TPD52: variants seen among roughly 807,000 people sequenced by gnomAD.
The protein encoded by TPD52 is prostate and colon associated protein.
Under a neutral mutation model 31.3 loss-of-function variants are expected in TPD52, and 17 were observed. The observed-to-expected ratio is 0.54, with a 90% CI of 0.37 to 0.82. The LOEUF is 0.82. Ranked by LOEUF, TPD52 falls within the 40% of genes least tolerant of loss-of-function variation. The pLI, the probability that TPD52 is intolerant of heterozygous loss-of-function variation, is 0.00. For missense variants in TPD52, 212 were observed against 240.1 expected, an observed-to-expected ratio of 0.88 and a Z score of 0.77; for synonymous variants, 83 against 89.6, an observed-to-expected ratio of 0.93 and a Z score of 0.42.
intron 1 of TPD52, among the ~76,000 whole-genome samples, chr8:80,104,820 AAGGCCAAGGG>A (rs1806990744): frequency 6.6e-6 from 1 of 151,974 alleles, no homozygotes; most frequent in Admixed American, 6.6e-5. Context: ...AGCATTTTGG[AAGGCCAAGGG>A]AGGCATATCA....
intron 1 of TPD52, among the ~76,000 whole-genome samples, chr8:80,121,435 T>C (rs1307666313): frequency 6.6e-6 from 1 of 152,210 alleles, no homozygotes; most frequent in African/African-American, 2.4e-5. Context: ...TTTCACTGAA[T>C]GTTTTTATAA....
chr8:80,145,368 T>C (rs187657785), intron 1 of TPD52, among the ~76,000 whole-genome samples: 1 of 152,310 alleles, frequency 6.6e-6, no homozygotes, highest in Admixed American at 6.5e-5. Flanking sequence ...TGAGCGGGCA[T>C]GGCAGTTGCA....
intron 1 of TPD52, among the ~76,000 whole-genome samples, chr8:80,103,356 A>T (rs972290432): frequency 6.6e-6 from 1 of 152,202 alleles, no homozygotes. Context: ...CACTCTAACC[A>T]ATCAAAATTG....
At chr8:80,085,503 G>A (rs1217152966) in intron 1 of TPD52, among the ~76,000 whole-genome samples, 3 of 152,186 alleles carry the variant, frequency 2.0e-5, no homozygotes, top group Non-Finnish European at 4.4e-5. Flanking sequence ...CTGTCCACCA[G>A]GAGAGGCAGG....
At chr8:80,151,041 G>A (rs555406266) in intron 1 of TPD52, among the ~76,000 whole-genome samples, 27 of 152,284 alleles carry the variant, frequency 1.8e-4, no homozygotes, top group Middle Eastern at 3.4e-3. Context: ...CCCATGTGTC[G>A]TGGGAGGGAC....
intron 1 of TPD52, among the ~76,000 whole-genome samples, chr8:80,069,675 A>AG (rs200062697): frequency 3.3e-5 from 4 of 122,538 alleles, no homozygotes; most frequent in Admixed American, 8.4e-5. Flanking sequence ...ATGATAAAGC[A>AG]GGTTTTTTTT....
At chr8:80,046,048 C>G (rs149724384) in intron 5 of TPD52, among the ~76,000 whole-genome samples, 55 of 152,138 alleles carry the variant, frequency 3.6e-4, no homozygotes, top group Admixed American at 3.3e-3. Flanking sequence ...GTCACTGTCC[C>G]TAAGAACCCA....
chr8:80,153,485 C>G (rs1489530047), intron 1 of TPD52, among the ~76,000 whole-genome samples: 1 of 152,198 alleles, frequency 6.6e-6, no homozygotes, highest in Admixed American at 6.5e-5. Context: ...GTCCCAGGCA[C>G]TTTTAAAATC....
intron 1 of TPD52, among the ~76,000 whole-genome samples, chr8:80,104,205 C>T (rs549580092): frequency 2.0e-5 from 3 of 152,246 alleles, no homozygotes; most frequent in East Asian, 3.9e-4. Flanking sequence ...CTCATCTAGC[C>T]GTCAAGCTAG....
chr8:80,131,774 C>A (rs1431897451), intron 1 of TPD52, among the ~76,000 whole-genome samples: 2 of 152,150 alleles, frequency 1.3e-5, no homozygotes, highest in African/African-American at 4.8e-5. Flanking sequence ...AGGTGCTCCA[C>A]GTGGCAGCCA....
chr8:80,071,865 T>C (rs1343480208), intron 1 of TPD52, among the ~76,000 whole-genome samples: 1 of 152,168 alleles, frequency 6.6e-6, no homozygotes, highest in African/African-American at 2.4e-5. Context: ...CTTTGATGGC[T>C]TCCCAGCTTC....
At chr8:80,140,213 G>A (rs1439990115) in intron 1 of TPD52, among the ~76,000 whole-genome samples, 1 of 152,182 alleles carries the variant, frequency 6.6e-6, no homozygotes, top group African/African-American at 2.4e-5. Context: ...CCCCACAAGT[G>A]AGTAGTGGAG....
At chr8:80,149,673 G>A (rs1810441587) in intron 1 of TPD52, among the ~76,000 whole-genome samples, 1 of 152,216 alleles carries the variant, frequency 6.6e-6, no homozygotes, top group South Asian at 2.1e-4. Context: ...GGCTGACGTG[G>A]TTTCAGATGG....
chr8:80,112,638 T>C (rs6993539), intron 1 of TPD52, among the ~76,000 whole-genome samples: 67,420 of 151,824 alleles, frequency 0.44, 15,429 homozygotes, highest in East Asian at 0.79. Context: ...TTTGCTAAGG[T>C]AGAAAAATAT....
chr8:80,046,765 T>G (rs568945892), intron 5 of TPD52, among the ~76,000 whole-genome samples: 1 of 152,308 alleles, frequency 6.6e-6, no homozygotes, highest in South Asian at 2.1e-4. Context: ...GATAATCTGA[T>G]TCTCACTAAG....
intron 5 of TPD52, among the ~76,000 whole-genome samples, chr8:80,050,096 A>C (rs1811215220): frequency 6.6e-6 from 1 of 152,206 alleles, no homozygotes. Flanking sequence ...AGTACCAAAG[A>C]AACAAAAGCA....
At chr8:80,104,937 G>A (rs796982842) in intron 1 of TPD52, among the ~76,000 whole-genome samples, 6 of 152,102 alleles carry the variant, frequency 3.9e-5, no homozygotes, top group African/African-American at 1.4e-4. Context: ...GCGCACACCT[G>A]TAATCCCAGC....
At chr8:80,052,115 T>C (rs1305610331) in intron 3 of TPD52, among the ~76,000 whole-genome samples, 1 of 152,258 alleles carries the variant, frequency 6.6e-6, no homozygotes, top group Admixed American at 6.5e-5. Flanking sequence ...ATACATTTTA[T>C]GGGCATACTT....
chr8:80,096,047 G>A (rs1431866036), intron 1 of TPD52, among the ~76,000 whole-genome samples: 1 of 152,170 alleles, frequency 6.6e-6, no homozygotes, highest in Non-Finnish European at 1.5e-5. Flanking sequence ...CTTGAGCTCA[G>A]GAATTTGAGG....
Sources: gnomAD v4.1 joint callset for allele counts (sites outside exome capture counted in the v4.1 genomes callset) on GRCh38, gnomAD v4.1.1 for gene constraint, MANE v1.5 for transcripts, NCBI Gene and HGNC (gene_info 2026-07-23, HGNC 2026-07-21) for gene names.